Variants in NKX1-1 observed in about 807,000 individuals in gnomAD.
NKX1-1 encodes NK1 homeobox 1.
Under a neutral mutation model 1.7 loss-of-function variants are expected in NKX1-1, and 7 were observed. That is an observed-to-expected ratio of 4.22 (90% CI 2.40 to 7.92). The LOEUF (loss-of-function observed/expected upper bound fraction) is 7.92, where lower values mean the gene tolerates loss of function less well. NKX1-1 is among the 30% of genes most tolerant of loss of function. NKX1-1 has a pLI of 0.00. For missense variants in NKX1-1, 453 were observed against 171.5 expected (o/e 2.64, Z -9.17); for synonymous variants, 242 against 85.3 (o/e 2.84, Z -10.13).
At chr4:1,405,478 G>C (rs746261306) in intron 1 of NKX1-1, among the ~76,000 whole-genome samples, 157 of 152,342 alleles carry the variant, frequency 1.0e-3, no homozygotes, top group Non-Finnish European at 1.7e-3. Context: ...GCTTTCCGCC[G>C]CTAAGCACAT....
chr4:1,403,726 C>T lies in NKX1-1; in HGVS notation c.553G>A (p.Asp185Asn). The T allele has an allele frequency of 1.5e-6, 1 of 686,982 alleles. No homozygotes were observed. Among genetic ancestry groups the T allele is most frequent in the South Asian group, 1.5e-5 (1 of 66,348 alleles). 42.6% of individuals were successfully genotyped at this position (686,982 alleles called of 1,614,324 possible). ...SGGGGHSPSA[D>N]SGDEVPDDED... ...TCGTCGGGAACCTCGTCCCCGCTGT[C>T]CGCGCTCGGGCTGTGGCCGCCGCCG... Residue 185 changes from aspartate (D) to asparagine (N), a missense_variant, in exon 2 of 2, where the codon GAC becomes AAC. Asp to Asn is a conservative substitution (Grantham distance 23, BLOSUM62 1). Transcript: ENST00000422806.
chr4:1,403,370 GA>G lies in NKX1-1; in HGVS notation c.908del (p.Phe303SerfsTer38). On this transcript the variant is annotated frameshift_variant, in exon 2 of 2. Transcript: ENST00000422806. LOFTEE classifies it low-confidence loss of function (END_TRUNC). ...SGKPRRARTA[F>X]TYEQLVALEN... ...CCAGCGCCACGAGCTGCTCGTAGGT[GA>G]AGGCGGTGCGCGCTCGCCGCGGCTT... is the stretch of plus-strand genomic sequence containing the variant. The G allele has an allele frequency of 1.4e-6, 1 of 717,970 alleles. No individual in the cohort carries two copies. The highest frequency in any genetic ancestry group is 2.4e-6 in the Non-Finnish European group (1 of 410,346). 44.5% of individuals were successfully genotyped at this position (717,970 alleles called of 1,614,324 possible). A position where few individuals can be genotyped will look rare whatever the true frequency, so the allele number is the denominator to read the frequency against.
intron 1 of NKX1-1, among the ~76,000 whole-genome samples, chr4:1,404,279 A>G (rs536383907): frequency 6.3e-4 from 96 of 152,286 alleles, no homozygotes; most frequent in African/African-American, 1.3e-3. Flanking sequence ...TTACCCCCCA[A>G]TTACCGCCGG....
rs1361587111 is a variant in NKX1-1, at chr4:1,403,124, G to C, written c.1155C>G (p.Ser385Arg). The change falls in exon 2 of 2, where the codon AGC becomes AGG. Residue 385 changes from serine to arginine, a missense_variant. By Grantham distance (110) the Ser-to-Arg change is moderately radical (BLOSUM62 -1). Transcript: ENST00000422806. ...GPGTGLPGGLSPLSPSPPMGA... is the reference protein window; with the variant it reads ...GPGTGLPGGLRPLSPSPPMGA... ...CCATGGGCGGCGAGGGGCTGAGCGG[G>C]CTGAGGCCGCCGGGCAGCCCCGTGC... 1 of 457,904 alleles carries C rather than the reference G, an allele frequency of 2.2e-6. No individual in the cohort carries two copies. The highest frequency in any genetic ancestry group is 3.8e-6 in the Non-Finnish European group (1 of 265,518). The allele number at this position is 457,904 out of a possible 1,614,324, so 28.4% of individuals were successfully genotyped here.
At position 1,403,355 on chromosome 4, in the gene NKX1-1, G is replaced by C. The variant is rs1239488482; in HGVS notation, c.924C>G (p.Leu308=). The change falls in exon 2 of 2, where the codon CTC becomes CTG. Residue 308 remains leucine, a synonymous_variant. Transcript: ENST00000422806. Reference sequence around the variant, plus strand: ...CCTTGAACTTGTTCTCCAGCGCCACGAGCTGCTCGTAGGTGAAGGCGGTGC... The same window carrying C: ...CCTTGAACTTGTTCTCCAGCGCCACCAGCTGCTCGTAGGTGAAGGCGGTGC... ...RARTAFTYEQ[L]VALENKFKAT... 2 of 731,920 alleles carry C rather than the reference G, an allele frequency of 2.7e-6. No individual in the cohort carries two copies. The highest frequency in any genetic ancestry group is 1.5e-5 in the South Asian group (1 of 64,726). The allele number at this position is 731,920 out of a possible 1,614,324, so 45.3% of individuals were successfully genotyped here.
At position 1,406,321 on chromosome 4, in the gene NKX1-1, C is replaced by T. The variant is rs1001637567; in HGVS notation, c.122G>A (p.Arg41His). ...GCGGGGAAAGGCCGGCAGCTCGGCG[C>T]GCCCGTCCATAGCTTCCTGGGCAGC... ...AAAAQEAMDG[R>H]AELPAFPRAG... The change falls in exon 1 of 2, where the codon CGC becomes CAC. Residue 41 changes from arginine to histidine, a missense_variant. Arg to His is a conservative substitution (Grantham distance 29, BLOSUM62 0). Coordinates refer to ENST00000422806, the MANE Select transcript of NKX1-1 (RefSeq NM_001290079.1). 315 of 394,448 alleles carry T rather than the reference C, an allele frequency of 8.0e-4. No homozygotes were observed. Among genetic ancestry groups the T allele is most frequent in the African/African-American group, 6.0e-3 (286 of 47,620 alleles). The allele number at this position is 394,448 out of a possible 1,614,324, so 24.4% of individuals were successfully genotyped here.
intron 1 of NKX1-1, among the ~76,000 whole-genome samples, chr4:1,404,066 C>T (rs1046461876): frequency 6.6e-6 from 1 of 152,168 alleles, no homozygotes; most frequent in South Asian, 2.1e-4. Flanking sequence ...AGAGGGTCCC[C>T]CTCGCCCCGC....
intron 1 of NKX1-1, among the ~76,000 whole-genome samples, chr4:1,404,491 G>A (rs749672067): frequency 9.2e-5 from 14 of 152,336 alleles, no homozygotes; most frequent in Admixed American, 7.2e-4. Context: ...AGTTGCCGCG[G>A]GTAGGGCCCT....
At position 1,403,381 on chromosome 4, in the gene NKX1-1, G is replaced by A; in HGVS notation, c.898C>T (p.Arg300Cys). The change falls in exon 2 of 2, where the codon CGC becomes TGC. Residue 300 changes from arginine (R) to cysteine (C), a missense_variant. Transcript: ENST00000422806. The stretch of plus-strand genomic sequence containing the variant: ...AGCTGCTCGTAGGTGAAGGCGGTGC[G>A]CGCTCGCCGCGGCTTCCCGGACTTG... ...DSKSGKPRRA[R>C]TAFTYEQLVA... The A allele has an allele frequency of 1.4e-6, 1 of 695,116 alleles. No homozygotes were observed. Among genetic ancestry groups the A allele is most frequent in the Non-Finnish European group, 2.5e-6 (1 of 393,754 alleles). The allele number at this position is 695,116 out of a possible 1,614,324, so 43.1% of individuals were successfully genotyped here.
At chr4:1,405,640 G>C (rs1272706403) in intron 1 of NKX1-1, among the ~76,000 whole-genome samples, 2 of 152,122 alleles carry the variant, frequency 1.3e-5, no homozygotes, top group African/African-American at 4.8e-5. Flanking sequence ...GGGGCGGGGA[G>C]GTCACGGGCC....
At chr4:1,403,876 CG>C in intron 1 of NKX1-1, 61 bp from the exon 2 acceptor site, 1 of 534,278 alleles carries the variant, frequency 1.9e-6, no homozygotes, top group Non-Finnish European at 3.3e-6. Flanking sequence ...TCCCAGATCC[CG>C]CCCTCCGCGC....
rs1720746397 is a variant in NKX1-1, at chr4:1,406,099, G to A, written c.344C>T (p.Ala115Val). The change falls in exon 1 of 2, where the codon GCT becomes GTT. Residue 115 changes from alanine to valine, a missense_variant. Transcript: ENST00000422806. ...GGGTGCAGGGGCGCATGGGGCCGAAGCGCAAGGGGCGCACGCAGCGGGAGC... is the reference window on the plus strand; with the variant it reads ...GGGTGCAGGGGCGCATGGGGCCGAAACGCAAGGGGCGCACGCAGCGGGAGC... ...PVAPAACAPCASAPCAPAPAA... is the reference protein window; with the variant it reads ...PVAPAACAPCVSAPCAPAPAA... 2 of 562,974 alleles carry A rather than the reference G, an allele frequency of 3.6e-6. No individual in the cohort carries two copies. The highest frequency in any genetic ancestry group is 3.1e-4 in the Middle Eastern group (1 of 3,256). The allele number at this position is 562,974 out of a possible 1,614,324, so 34.9% of individuals were successfully genotyped here.
At chr4:1,403,911 C>T in intron 1 of NKX1-1, 96 bp from the exon 2 acceptor site, 1 of 498,284 alleles carries the variant, frequency 2.0e-6, no homozygotes, top group Non-Finnish European at 3.5e-6. Context: ...CCCCAGGGTT[C>T]CCTCCCGCCC....
At chr4:1,405,611 G>T (rs1238402276) in intron 1 of NKX1-1, among the ~76,000 whole-genome samples, 1 of 148,812 alleles carries the variant, frequency 6.7e-6, no homozygotes, top group Admixed American at 6.7e-5. Context: ...AGGGAGGGAG[G>T]CCTCGGGCGG....
chr4:1,403,702 C>A lies in NKX1-1; in HGVS notation c.577G>T (p.Asp193Tyr). 1 of 687,642 alleles carries A rather than the reference C, an allele frequency of 1.5e-6. No homozygotes were observed. The highest frequency in any genetic ancestry group is 2.6e-6 in the Non-Finnish European group (1 of 382,214). The allele number at this position is 687,642 out of a possible 1,614,324, so 42.6% of individuals were successfully genotyped here. The part of the protein sequence containing the change: ...SADSGDEVPD[D>Y]EDDDEDEAPE... The stretch of plus-strand genomic sequence containing the variant: ...GCTTCGTCCTCGTCGTCGTCCTCGT[C>A]GTCGGGAACCTCGTCCCCGCTGTCC... The change falls in exon 2 of 2, where the codon GAC becomes TAC. Residue 193 changes from aspartate (D) to tyrosine (Y), a missense_variant. Asp to Tyr is a radical substitution (Grantham distance 160, BLOSUM62 -3). Transcript: ENST00000422806.
In NKX1-1 at chr4:1,403,389, C is replaced by T. The variant is rs1374630330; in HGVS notation, c.890G>A (p.Arg297Gln). The T allele has an allele frequency of 1.5e-6, 1 of 682,430 alleles. No individual in the cohort carries two copies. The allele number at this position is 682,430 out of a possible 1,614,324, so 42.3% of individuals were successfully genotyped here. A position where few individuals can be genotyped will look rare whatever the true frequency, so the allele number is the denominator to read the frequency against. ...TGSDSKSGKP[R>Q]RARTAFTYEQ... ...GTAGGTGAAGGCGGTGCGCGCTCGC[C>T]GCGGCTTCCCGGACTTGGAGTCGGA... Residue 297 changes from arginine (R) to glutamine (Q), a missense_variant, in exon 2 of 2, where the codon CGG (arginine) becomes CAG (glutamine). Arg to Gln is a conservative substitution (Grantham distance 43). Transcript: ENST00000422806.
Position 1,403,312 on chromosome 4 carries a change from C to A in NKX1-1, c.967G>T (p.Val323Leu). 1.4e-6 allele frequency: 1 copy of A among 714,104 alleles called. No homozygotes were observed. The highest frequency in any genetic ancestry group is 2.5e-6 in the Non-Finnish European group (1 of 393,356). 44.2% of individuals were successfully genotyped at this position (714,104 alleles called of 1,614,324 possible). Reference protein sequence around the residue: ...NKFKATRYLSVCERLNLALSL... With the variant: ...NKFKATRYLSLCERLNLALSL... ...AGCGCCAGGTTGAGGCGCTCGCACA[C>A]CGACAGGTAGCGCGTGGCCTTGAAC... The change falls in exon 2 of 2, where the codon GTG becomes TTG. Residue 323 changes from valine (V) to leucine (L), a missense_variant. Physicochemically the swap from Val to Leu is conservative, Grantham distance 32 (BLOSUM62 1). Coordinates refer to ENST00000422806, the MANE Select transcript of NKX1-1 (RefSeq NM_001290079.1).
Position 1,402,986 on chromosome 4 carries a change from G to T in NKX1-1, c.1293C>A (p.Phe431Leu), listed in dbSNP as rs923213477. 1.5e-5 allele frequency: 10 copies of T among 661,362 alleles called. No homozygotes were observed. The highest frequency in any genetic ancestry group is 3.8e-5 in the African/African-American group (2 of 52,846). The allele number at this position is 661,362 out of a possible 1,614,324, so 41.0% of individuals were successfully genotyped here. Reference protein sequence around the residue: ...FLSSPAVLSPFVLGSQTYGAP... With the variant: ...FLSSPAVLSPLVLGSQTYGAP... ...CCCCGTAGGTCTGCGAGCCCAGCAC[G>T]AAGGGCGAGAGCACCGCCGGGCTCG... The change falls in exon 2 of 2, where the codon TTC becomes TTA. Residue 431 changes from phenylalanine (F) to leucine (L), a missense_variant. By Grantham distance (22) the Phe-to-Leu change is conservative. Transcript: ENST00000422806.
chr4:1,405,946 C>CCTGGTGCCGGGCGCATCCTACTGCG (rs1720742617), intron 1 of NKX1-1, 34 bp downstream of exon 1: 1 of 445,868 alleles, frequency 2.2e-6, no homozygotes, highest in Non-Finnish European at 3.9e-6. Context: ...GGTCCCCCGT[C>CCTGGTGCCGGGCGCATCCTACTGCG]CCTGCGACCT....
Sources: gnomAD v4.1 joint callset for allele counts (sites outside exome capture counted in the v4.1 genomes callset) on GRCh38, gnomAD v4.1.1 for gene constraint, MANE v1.5 for transcripts, NCBI Gene and HGNC (gene_info 2026-07-23, HGNC 2026-07-21) for gene names.